Variants in MGAT4C observed in about 807,000 individuals in gnomAD.
MGAT4C encodes the protein alpha-1,3-mannosyl-glycoprotein 4-beta-N-acetylglucosaminyltransferase C.
MGAT4C carries 19 observed loss-of-function variants against 40.1 expected under a neutral mutation model. The ratio of observed to expected loss-of-function variants is 0.47; its 90% CI spans 0.33 to 0.70. The LOEUF (loss-of-function observed/expected upper bound fraction) is 0.70, where lower values mean the gene tolerates loss of function less well. Ranked by LOEUF, MGAT4C falls within the 30% of genes least tolerant of loss-of-function variation. The pLI, the probability that MGAT4C is intolerant of heterozygous loss-of-function variation, is 0.02. For missense variants in MGAT4C, 491 were observed against 563.2 expected (o/e 0.87, Z 1.30); for synonymous variants, 181 against 187.1 (o/e 0.97, Z 0.27).
At chr12:86,581,192 C>G (rs1185720481) in intron 2 of MGAT4C, among the ~76,000 whole-genome samples, 2 of 151,384 alleles carry the variant, frequency 1.3e-5, no homozygotes, top group African/African-American at 4.8e-5. Context: ...TTGCTGCAGA[C>G]AAGTACAGTG....
At chr12:86,221,418 C>T (rs1176851047) in intron 1 of MGAT4C, among the ~76,000 whole-genome samples, 9 of 151,994 alleles carry the variant, frequency 5.9e-5, no homozygotes, top group Admixed American at 5.9e-4. Flanking sequence ...TTGTGAATTC[C>T]ATACTGAGGA....
At chr12:86,044,533 C>A (rs1200915775) in intron 2 of MGAT4C, among the ~76,000 whole-genome samples, 2 of 152,068 alleles carry the variant, frequency 1.3e-5, no homozygotes, top group African/African-American at 4.8e-5. Context: ...CGCATGTGTG[C>A]ACGCTGGAAG....
chr12:86,432,548 T>C (rs1161207543), intron 3 of MGAT4C, among the ~76,000 whole-genome samples: 2 of 152,006 alleles, frequency 1.3e-5, no homozygotes, highest in Non-Finnish European at 2.9e-5. Flanking sequence ...GGGATACTTC[T>C]TCCCATTGTA....
At chr12:86,112,542 C>T (rs1877637584) in intron 1 of MGAT4C, among the ~76,000 whole-genome samples, 1 of 151,568 alleles carries the variant, frequency 6.6e-6, no homozygotes, top group South Asian at 2.1e-4. Context: ...TCTTATTGTG[C>T]TCACCACTGA....
At chr12:86,354,809 G>C (rs1335160908) in intron 3 of MGAT4C, among the ~76,000 whole-genome samples, 1 of 152,154 alleles carries the variant, frequency 6.6e-6, no homozygotes, top group Non-Finnish European at 1.5e-5. Flanking sequence ...TGGTCTCACT[G>C]ACTTCAAGAA....
At chr12:86,171,682 G>A (rs1176141180) in intron 1 of MGAT4C, among the ~76,000 whole-genome samples, 5 of 152,148 alleles carry the variant, frequency 3.3e-5, no homozygotes, top group Non-Finnish European at 7.4e-5. Flanking sequence ...ACTTTACGGT[G>A]TGGCTTCAAA....
chr12:86,623,677 G>A (rs925545387), intron 2 of MGAT4C, among the ~76,000 whole-genome samples: 1 of 152,074 alleles, frequency 6.6e-6, no homozygotes, highest in Non-Finnish European at 1.5e-5. Flanking sequence ...CTGAAAATTT[G>A]TTTGTCCATA....
chr12:86,214,199 G>T (rs941491285), intron 1 of MGAT4C, among the ~76,000 whole-genome samples: 1 of 152,070 alleles, frequency 6.6e-6, no homozygotes, highest in Non-Finnish European at 1.5e-5. Flanking sequence ...CCTCATTTCT[G>T]TGTCTTTGTA....
chr12:86,480,632 G>GA (rs1957922156), intron 2 of MGAT4C, among the ~76,000 whole-genome samples: 9 of 51,300 alleles, frequency 1.8e-4, no homozygotes, highest in East Asian at 6.9e-4. Context: ...GTATGTATAA[G>GA]TAGTTAATGA....
At chr12:86,607,519 A>C (rs576080083) in intron 2 of MGAT4C, among the ~76,000 whole-genome samples, 1 of 152,106 alleles carries the variant, frequency 6.6e-6, no homozygotes, top group Admixed American at 6.6e-5. Flanking sequence ...TACTAACATG[A>C]GACATTATTC....
chr12:86,684,878 G>A (rs1950044920), intron 2 of MGAT4C, among the ~76,000 whole-genome samples: 1 of 151,178 alleles, frequency 6.6e-6, no homozygotes, highest in African/African-American at 2.4e-5. Flanking sequence ...CTTTTTGATG[G>A]GTTTTTTGTT....
At chr12:86,555,139 C>A (rs909216948) in intron 2 of MGAT4C, among the ~76,000 whole-genome samples, 5 of 151,354 alleles carry the variant, frequency 3.3e-5, no homozygotes, top group African/African-American at 4.9e-5. Flanking sequence ...AGATAAACAC[C>A]CCCATTTCAG....
chr12:86,131,684 A>T (rs575746373), intron 1 of MGAT4C, among the ~76,000 whole-genome samples: 1 of 151,992 alleles, frequency 6.6e-6, no homozygotes, highest in Admixed American at 6.6e-5. Context: ...TTCTTTTATG[A>T]TAATTTACTG....
At position 85,979,156 on chromosome 12, in the gene MGAT4C, A is replaced by G; in HGVS notation, c.*133T>C. 3.0e-6 allele frequency: 2 copies of G among 669,672 alleles called. No homozygotes were observed. The highest frequency in any genetic ancestry group is 4.9e-6 in the Non-Finnish European group (2 of 410,056). The allele number at this position is 669,672 out of a possible 1,614,324, so 41.5% of individuals were successfully genotyped here. On this transcript the variant is annotated 3_prime_UTR_variant, in exon 5 of 5. Transcript: ENST00000611864. ...GAGTAAAATTATGTCAACAATGTAT[A>G]AATGAAAACTGCCAATGTAATTAAT...
chr12:86,555,113 C>T (rs1260791474), intron 2 of MGAT4C, among the ~76,000 whole-genome samples: 1 of 151,510 alleles, frequency 6.6e-6, no homozygotes. Context: ...TTAATTGGGC[C>T]TATATGGATA....
Position 86,577,683 on chromosome 12 carries a change from TTTGAATTTTG to T in MGAT4C, c.-228-142428_-228-142419del, listed in dbSNP as rs1326789845. 3.3e-5 allele frequency among the ~76,000 whole-genome samples: 5 copies of T among 151,798 alleles called. No homozygotes were observed. In the East Asian group the frequency reaches 5.8e-4, roughly 18 times the overall value. On this transcript the variant is annotated intron_variant, in intron 2 of 7. Coordinates refer to the MGAT4C transcript ENST00000548651. ...CTTTCTAATTTTGAATTTTCTAATG[TTTGAATTTTG>T]TTGAATTTTGTTTGCTACTATTTTA...
At chr12:86,269,895 G>T (rs970483304) in intron 4 of MGAT4C, among the ~76,000 whole-genome samples, 18 of 151,840 alleles carry the variant, frequency 1.2e-4, no homozygotes, top group Non-Finnish European at 2.2e-4. Flanking sequence ...GTTTTTTATT[G>T]TGATAAAATA....
At chr12:86,597,211 G>A (rs542082210) in intron 2 of MGAT4C, among the ~76,000 whole-genome samples, 6 of 152,228 alleles carry the variant, frequency 3.9e-5, no homozygotes, top group African/African-American at 9.6e-5. Flanking sequence ...GTTACTGCCC[G>A]GCAGTTTCAT....
chr12:86,118,922 T>A (rs1004405756), intron 1 of MGAT4C, among the ~76,000 whole-genome samples: 2 of 152,100 alleles, frequency 1.3e-5, no homozygotes, highest in African/African-American at 4.8e-5. Flanking sequence ...AAAATGATAA[T>A]TTATTAGTCT....
Sources: gnomAD v4.1 joint callset for allele counts (sites outside exome capture counted in the v4.1 genomes callset) on GRCh38, gnomAD v4.1.1 for gene constraint, MANE v1.5 for transcripts, NCBI Gene and HGNC (gene_info 2026-07-23, HGNC 2026-07-21) for gene names.